CASD1: variants seen among roughly 807,000 people sequenced by gnomAD.
The protein encoded by CASD1 is N-acetylneuraminate (7)9-O-acetyltransferase.
CASD1 carries 41 observed loss-of-function variants against 100.0 expected under a neutral mutation model. That is an observed-to-expected ratio of 0.41 (90% CI 0.32 to 0.53). The LOEUF is 0.53. CASD1 is among the 20% of genes least tolerant of loss of function. CASD1 has a pLI of 0.25. For missense variants in CASD1, 774 were observed against 948.7 expected, an observed-to-expected ratio of 0.82 and a Z score of 2.42; for synonymous variants, 321 against 315.6, an observed-to-expected ratio of 1.02 and a Z score of -0.18.
the CASD1 span, among the ~76,000 whole-genome samples, chr7:94,613,471 T>C: frequency 6.6e-6 from 1 of 152,180 alleles, no homozygotes; most frequent in African/African-American, 2.4e-5. Flanking sequence ...TTATCAAGTA[T>C]AAGGCTCTCA....
At position 94,541,146 on chromosome 7, in the gene CASD1, G is replaced by A. The variant is rs1241764301; in HGVS notation, c.1356+2090G>A. Among the ~76,000 whole-genome samples the A allele has an allele frequency of 5.3e-5, 8 of 151,978 alleles. No homozygotes were observed. In the East Asian group the frequency reaches 1.2e-3, roughly 22 times the overall value. ...AACATATCCCTGTTCTTTTATATAG[G>A]ATGTTGTAGTTAAAAAATTTCCTAT... On this transcript the variant is annotated intron_variant, in intron 10 of 17. Transcript: ENST00000297273.
the CASD1 span, among the ~76,000 whole-genome samples, chr7:94,570,862 G>A: frequency 6.6e-6 from 1 of 152,036 alleles, no homozygotes; most frequent in Admixed American, 6.6e-5. Flanking sequence ...AATAGTATCA[G>A]CTTTTTTATT....
the CASD1 span, among the ~76,000 whole-genome samples, chr7:94,622,816 A>G: frequency 1.3e-5 from 2 of 152,162 alleles, no homozygotes; most frequent in African/African-American, 4.8e-5. Flanking sequence ...TTACTAATAC[A>G]CTATAAACTA....
At chr7:94,528,919 A>T (rs1794712578) in intron 5 of CASD1, among the ~76,000 whole-genome samples, 1 of 152,098 alleles carries the variant, frequency 6.6e-6, no homozygotes, top group African/African-American at 2.4e-5. Context: ...GTTTTGTTCA[A>T]TTAATTTCCC....
chr7:94,530,343 G>C (rs568742517), intron 5 of CASD1, among the ~76,000 whole-genome samples: 3 of 152,238 alleles, frequency 2.0e-5, no homozygotes, highest in South Asian at 2.1e-4. Context: ...CATACAAAAT[G>C]CTTCTTTATG....
intron 6 of CASD1, 99 bp downstream of exon 6, chr7:94,533,348 A>C (rs1281965747): frequency 1.1e-6 from 1 of 916,868 alleles, no homozygotes; most frequent in African/African-American, 1.7e-5. Context: ...GATTGTACCT[A>C]AATTTTTAAT....
At chr7:94,542,484 T>A (rs1037365733) in intron 10 of CASD1, among the ~76,000 whole-genome samples, 1 of 152,210 alleles carries the variant, frequency 6.6e-6, no homozygotes, top group Admixed American at 6.5e-5. Flanking sequence ...AAATAAAATA[T>A]ATTTATTGAA....
the CASD1 span, among the ~76,000 whole-genome samples, chr7:94,591,605 G>A: frequency 1.4e-5 from 2 of 146,400 alleles, no homozygotes; most frequent in Non-Finnish European, 3.1e-5. Context: ...ATCAGCATTT[G>A]GATGAGGTAG....
the CASD1 span, among the ~76,000 whole-genome samples, chr7:94,593,175 T>G: frequency 6.6e-6 from 1 of 152,158 alleles, no homozygotes; most frequent in Admixed American, 6.6e-5. Context: ...TGTCTTCAAT[T>G]AGAAGACTTA....
At chr7:94,629,793 G>A in the CASD1 span, 1 of 1,610,930 alleles carries the variant, frequency 6.2e-7, no homozygotes, top group Admixed American at 1.7e-5. Flanking sequence ...GACACCTGCT[G>A]ATGGGTATAC....
the CASD1 span, chr7:94,588,191 C>T: frequency 1.1e-3 from 1,199 of 1,072,518 alleles, 5 homozygotes; most frequent in East Asian, 0.013. Context: ...GAGAATTGTC[C>T]GCCATCTTGT....
In CASD1 at chr7:94,518,273, T is replaced by C; in HGVS notation, c.301T>C (p.Tyr101His). ...IGDSRIRQLF[Y>H]SFVKIINPQF... is the part of the protein sequence containing the mutation. The stretch of plus-strand genomic sequence containing the variant: ...AGATTCCAGAATTCGTCAATTGTTT[T>C]ATTCTTTTGTAAAAATAATTAATCC... Residue 101 changes from tyrosine to histidine, a missense_variant, in exon 3 of 18, where the codon TAT becomes CAT. Transcript: ENST00000297273. 1.9e-6 allele frequency: 3 copies of C among 1,580,708 alleles called. No individual in the cohort carries two copies. Among genetic ancestry groups the C allele is most frequent in the African/African-American group, 1.4e-5 (1 of 73,206 alleles).
the CASD1 span, among the ~76,000 whole-genome samples, chr7:94,603,077 T>TG: frequency 1.3e-5 from 2 of 152,138 alleles, no homozygotes; most frequent in South Asian, 4.1e-4. Flanking sequence ...CCCCAGCAAT[T>TG]AATCAAGGAT....
the CASD1 span, chr7:94,629,549 C>T: frequency 1.6e-6 from 1 of 643,220 alleles, no homozygotes; most frequent in Non-Finnish European, 2.7e-6. Context: ...TTATTTTTGT[C>T]TGTAATTAAA....
chr7:94,537,860 T>G lies in CASD1; in HGVS notation c.1232T>G (p.Val411Gly). 2 of 1,555,048 alleles carry G rather than the reference T, an allele frequency of 1.3e-6. No homozygotes were observed. The highest frequency in any genetic ancestry group is 1.8e-6 in the Non-Finnish European group (2 of 1,127,828). ...TTTATTCCAATTATCTACATTTTGG[T>G]TTTGGGAGTATTTTATAATGAAAAT... The part of the protein sequence containing the change: ...SFFIPIIYIL[V>G]LGVFYNENTK... The change falls in exon 9 of 18, where the codon GTT becomes GGT. Residue 411 changes from valine to glycine, a missense_variant. By Grantham distance (109) the Val-to-Gly change is moderately radical. Around this residue, in one of 5 missense-constraint regions of CASD1, gnomAD observed 453 missense variants for 532.6 expected, o/e 0.85. Transcript: ENST00000297273.
chr7:94,554,717 T>G, intron 17 of CASD1, 142 bp downstream of exon 17: 1 of 521,634 alleles, frequency 1.9e-6, no homozygotes, highest in Non-Finnish European at 3.4e-6. Context: ...TATTATGGAA[T>G]TACAGGGAAA....
chr7:94,590,240 G>A, the CASD1 span, among the ~76,000 whole-genome samples: 3 of 151,978 alleles, frequency 2.0e-5, no homozygotes, highest in Non-Finnish European at 2.9e-5. Flanking sequence ...AAATTCCCAT[G>A]AGAAATGTTA....
the CASD1 span, chr7:94,603,301 T>C: frequency 6.2e-7 from 1 of 1,612,214 alleles, no homozygotes; most frequent in Non-Finnish European, 8.5e-7. Flanking sequence ...AATGAAATTT[T>C]GCACCAGTCA....
the CASD1 span, chr7:94,599,435 A>T: frequency 2.1e-6 from 1 of 467,282 alleles, no homozygotes; most frequent in African/African-American, 2.0e-5. Context: ...AAATCACATA[A>T]TATAAATGGT....
Sources: allele counts gnomAD v4.1 joint callset (sites outside exome capture counted in the v4.1 genomes callset), GRCh38; gene constraint gnomAD v4.1.1; regional missense constraint gnomAD v4.1.1; transcripts MANE v1.5; gene names NCBI Gene and HGNC (gene_info 2026-07-23, HGNC 2026-07-21).